UNC13C: variants seen among roughly 807,000 people sequenced by gnomAD.
The protein encoded by UNC13C is protein unc-13 homolog C.
A neutral mutation model predicts 245.4 loss-of-function variants in UNC13C; 174 were observed. The ratio of observed to expected loss-of-function variants is 0.71; its 90% confidence interval spans 0.63 to 0.80. The LOEUF (loss-of-function observed/expected upper bound fraction) is 0.80. Among genes scored for constraint, UNC13C ranks in the 30% least tolerant of loss-of-function variants. UNC13C has a pLI of 0.00. For synonymous variants in UNC13C, 992 were observed against 895.1 expected (o/e 1.11, Z -1.93); for missense variants, 2,829 against 2,602.9 (o/e 1.09, Z -1.89).
At chr15:54,016,018 G>A (rs930135554) in intron 2 of UNC13C, 132 bp downstream of exon 2, 2 of 802,618 alleles carry the variant, frequency 2.5e-6, no homozygotes, top group African/African-American at 1.7e-5. Context: ...TTACTCTGAG[G>A]AGCATTTTGT....
At chr15:54,545,830 G>A (rs2141174440) in intron 26 of UNC13C, among the ~76,000 whole-genome samples, 1 of 152,286 alleles carries the variant, frequency 6.6e-6, no homozygotes, top group Admixed American at 6.5e-5. Context: ...ACGGATGCTG[G>A]AGAGAATGTG....
chr15:53,905,318 C>T, the UNC13C span, among the ~76,000 whole-genome samples: 5 of 151,334 alleles, frequency 3.3e-5, no homozygotes, highest in East Asian at 9.7e-4. Context: ...TCTTAAGTGT[C>T]CTTTGGCAGA....
At chr15:53,937,886 C>T in the UNC13C span, among the ~76,000 whole-genome samples, 1 of 152,112 alleles carries the variant, frequency 6.6e-6, no homozygotes, top group Admixed American at 6.6e-5. Context: ...GAAGGAAGAA[C>T]TAAATATGAA....
At chr15:53,966,267 A>T in the UNC13C span, among the ~76,000 whole-genome samples, 4 of 152,104 alleles carry the variant, frequency 2.6e-5, no homozygotes, top group East Asian at 7.7e-4. Context: ...TGTTTTATTG[A>T]TGGTTGTATC....
At chr15:53,839,931 C>A in the UNC13C span, among the ~76,000 whole-genome samples, 1 of 152,032 alleles carries the variant, frequency 6.6e-6, no homozygotes, top group African/African-American at 2.4e-5. Context: ...TCATTTTGCA[C>A]GTTATTGCTG....
intron 19 of UNC13C, among the ~76,000 whole-genome samples, chr15:54,491,354 A>G (rs974119461): frequency 1.3e-5 from 2 of 150,786 alleles, no homozygotes; most frequent in Non-Finnish European, 3.0e-5. Context: ...ACTTCCTACC[A>G]AAGGAAAAAA....
chr15:53,964,585 C>T, the UNC13C span, among the ~76,000 whole-genome samples: 1 of 152,096 alleles, frequency 6.6e-6, no homozygotes, highest in African/African-American at 2.4e-5. Context: ...TTGCACCAAC[C>T]TAATAAATTC....
chr15:54,055,561 G>A (rs1361683394), intron 2 of UNC13C, among the ~76,000 whole-genome samples: 2 of 152,142 alleles, frequency 1.3e-5, no homozygotes, highest in Non-Finnish European at 2.9e-5. Flanking sequence ...GCCATGTCTA[G>A]ACAAAATGCA....
chr15:54,276,616 C>T (rs1420639979), intron 10 of UNC13C, among the ~76,000 whole-genome samples: 2 of 152,024 alleles, frequency 1.3e-5, no homozygotes, highest in Non-Finnish European at 2.9e-5. Flanking sequence ...GATAGTATAG[C>T]CAGAACCCCA....
chr15:54,448,128 G>A (rs889292987), intron 19 of UNC13C, among the ~76,000 whole-genome samples: 3 of 152,066 alleles, frequency 2.0e-5, no homozygotes, highest in Non-Finnish European at 4.4e-5. Flanking sequence ...ATTACACTAT[G>A]GTCTGAGAGA....
At chr15:54,489,775 C>CA (rs1455624279) in intron 19 of UNC13C, among the ~76,000 whole-genome samples, 1 of 152,092 alleles carries the variant, frequency 6.6e-6, no homozygotes, top group African/African-American at 2.4e-5. Context: ...GCAAACAAAC[C>CA]AACAAAATCT....
intron 2 of UNC13C, among the ~76,000 whole-genome samples, chr15:54,089,994 G>C (rs1897015): frequency 1.2e-4 from 18 of 152,256 alleles, no homozygotes; most frequent in Non-Finnish European, 2.2e-4. Flanking sequence ...CCATTTTACT[G>C]GGAAGGACTC....
At chr15:54,349,899 G>A (rs1039177400) in intron 17 of UNC13C, among the ~76,000 whole-genome samples, 6 of 152,190 alleles carry the variant, frequency 3.9e-5, no homozygotes, top group African/African-American at 1.4e-4. Context: ...TGGGTTAGAT[G>A]TCTACATAGT....
At chr15:54,285,482 T>C (rs2037120269) in intron 10 of UNC13C, among the ~76,000 whole-genome samples, 1 of 152,188 alleles carries the variant, frequency 6.6e-6, no homozygotes, top group Non-Finnish European at 1.5e-5. Flanking sequence ...TAATAGGAAA[T>C]GTGAAAGTTG....
At chr15:54,028,861 G>A (rs77411733) in intron 2 of UNC13C, among the ~76,000 whole-genome samples, 1 of 151,910 alleles carries the variant, frequency 6.6e-6, no homozygotes, top group East Asian at 1.9e-4. Flanking sequence ...GTCTTAGGAG[G>A]TTGGGCAAGT....
At chr15:54,351,242 T>G (rs961345393) in intron 17 of UNC13C, among the ~76,000 whole-genome samples, 13 of 152,288 alleles carry the variant, frequency 8.5e-5, no homozygotes, top group Admixed American at 6.5e-4. Context: ...ATACAGGATA[T>G]CCAGTGAAGT....
intron 18 of UNC13C, among the ~76,000 whole-genome samples, chr15:54,393,606 T>A (rs565740056): frequency 8.7e-6 from 1 of 114,722 alleles, no homozygotes; most frequent in Non-Finnish European, 2.1e-5. Flanking sequence ...ATGTGCATAT[T>A]GATTTAACAA....
At chr15:54,456,563 C>G (rs1245767715) in intron 19 of UNC13C, among the ~76,000 whole-genome samples, 1 of 150,996 alleles carries the variant, frequency 6.6e-6, no homozygotes, top group African/African-American at 2.4e-5. Context: ...GATCTTTCAC[C>G]TCTTTTGTTA....
intron 25 of UNC13C, among the ~76,000 whole-genome samples, chr15:54,529,714 CATT>C (rs1473332199): frequency 2.0e-5 from 3 of 152,122 alleles, no homozygotes; most frequent in African/African-American, 4.8e-5. Flanking sequence ...ACTGTATCAT[CATT>C]GTGTGTGGAG....
Sources: allele counts gnomAD v4.1 joint callset (sites outside exome capture counted in the v4.1 genomes callset), GRCh38; gene constraint gnomAD v4.1.1; transcripts MANE v1.5; gene names NCBI Gene and HGNC (gene_info 2026-07-23, HGNC 2026-07-21).